RETREG1: variants seen among roughly 807,000 people sequenced by gnomAD.
The protein encoded by RETREG1 is family with sequence similarity 134 member B.
Under a neutral mutation model 54.8 loss-of-function variants are expected in RETREG1, and 44 were observed. That is an observed-to-expected ratio of 0.80 (90% confidence interval 0.63 to 1.03). The LOEUF is 1.03. Ranked by LOEUF, RETREG1 falls within the 50% of genes least tolerant of loss-of-function variation. The pLI, the probability that RETREG1 is intolerant of heterozygous loss-of-function variation, is 0.00. For missense variants in RETREG1, 554 were observed against 605.1 expected, an observed-to-expected ratio of 0.92 and a Z score of 0.89; for synonymous variants, 217 against 238.5, an observed-to-expected ratio of 0.91 and a Z score of 0.83.
intron 3 of RETREG1, among the ~76,000 whole-genome samples, chr5:16,545,947 G>A (rs1741374539): frequency 1.3e-5 from 2 of 152,208 alleles, no homozygotes; most frequent in Non-Finnish European, 2.9e-5. Context: ...AAGGCATGCT[G>A]GATGGGAGGC....
intron 3 of RETREG1, among the ~76,000 whole-genome samples, chr5:16,520,405 C>T (rs1740496292): frequency 6.6e-6 from 1 of 152,164 alleles, no homozygotes; most frequent in South Asian, 2.1e-4. Context: ...TCTCGGCTCA[C>T]TGCAACCTCC....
intron 3 of RETREG1, among the ~76,000 whole-genome samples, chr5:16,529,845 C>G (rs1434368939): frequency 6.6e-6 from 1 of 152,160 alleles, no homozygotes; most frequent in Non-Finnish European, 1.5e-5. Flanking sequence ...CAGGCTTTCC[C>G]ATTTGGGTTC....
chr5:16,501,611 C>T lies in RETREG1; in HGVS notation c.459-18139G>A, dbSNP rs184460469. On this transcript the variant is annotated intron_variant, in intron 3 of 8. Coordinates refer to ENST00000306320, the MANE Select transcript of RETREG1 (RefSeq NM_001034850.3). ...AGGCTGGAGTGCAGTGGTATGATCT[C>T]GGCTCACTGCAACCTCCGCCTCCCA... Among the ~76,000 whole-genome samples, 133 of 152,158 alleles carry T rather than the reference C, an allele frequency of 8.7e-4. 1 individual carries two copies. The highest frequency in any genetic ancestry group is 2.9e-3 in the African/African-American group (120 of 41,508).
chr5:16,555,521 T>C (rs558745363), intron 3 of RETREG1, among the ~76,000 whole-genome samples: 2 of 152,274 alleles, frequency 1.3e-5, no homozygotes, highest in African/African-American at 2.4e-5. Flanking sequence ...TCAATAAATT[T>C]CTGTTGAAAG....
At chr5:16,614,024 C>A (rs950090316) in intron 1 of RETREG1, among the ~76,000 whole-genome samples, 2 of 151,926 alleles carry the variant, frequency 1.3e-5, no homozygotes, top group African/African-American at 4.8e-5. Context: ...TCATTTTTGT[C>A]AAAGAAAATA....
In RETREG1 at chr5:16,474,816, T is replaced by C. The variant is rs969902350; in HGVS notation, c.1419A>G (p.Thr473=). The C allele has an allele frequency of 6.2e-7, 1 of 1,613,926 alleles. No homozygotes were observed. Among genetic ancestry groups the C allele is most frequent in the Non-Finnish European group, 8.5e-7 (1 of 1,179,924 alleles). The change falls in exon 9 of 9, where the codon ACA becomes ACG. Residue 473 remains threonine, a synonymous_variant. Transcript: ENST00000306320. ...LDQIESELGL[T]QDQEAEAQQN... The stretch of plus-strand genomic sequence containing the variant: ...GCTGTGCTTCTGCTTCCTGGTCTTG[T>C]GTAAGTCCCAATTCACTCTCAATTT...
chr5:16,588,064 C>T (rs1347824736), intron 1 of RETREG1, among the ~76,000 whole-genome samples: 2 of 152,206 alleles, frequency 1.3e-5, no homozygotes, highest in Non-Finnish European at 2.9e-5. Context: ...GAGGCCAGAG[C>T]GATCACTTCC....
chr5:16,503,613 A>G (rs1739811609), intron 3 of RETREG1, among the ~76,000 whole-genome samples: 1 of 149,504 alleles, frequency 6.7e-6, no homozygotes, highest in Non-Finnish European at 1.5e-5. Flanking sequence ...GTTTGCAGTG[A>G]GTCAAGATCA....
At chr5:16,486,120 G>A (rs187366117) in intron 3 of RETREG1, among the ~76,000 whole-genome samples, 48 of 152,120 alleles carry the variant, frequency 3.2e-4, no homozygotes, top group South Asian at 6.2e-4. Flanking sequence ...TATTTGAATT[G>A]TTATAATCAC....
chr5:16,568,005 T>A (rs1742065345), intron 2 of RETREG1, among the ~76,000 whole-genome samples: 1 of 152,038 alleles, frequency 6.6e-6, no homozygotes, highest in Non-Finnish European at 1.5e-5. Context: ...GGGGGGCAGA[T>A]ATGACTGGTT....
intron 3 of RETREG1, among the ~76,000 whole-genome samples, chr5:16,550,122 G>A (rs888528675): frequency 3.9e-5 from 6 of 152,108 alleles, no homozygotes; most frequent in African/African-American, 1.2e-4. Context: ...TAAACAGCAC[G>A]TGAGTAATAA....
At chr5:16,551,107 TAAC>T (rs1300101352) in intron 3 of RETREG1, among the ~76,000 whole-genome samples, 1 of 147,662 alleles carries the variant, frequency 6.8e-6, no homozygotes, top group Non-Finnish European at 1.5e-5. Flanking sequence ...TTTTTAAAAA[TAAC>T]AACAAAAGCC....
At chr5:16,497,345 C>T (rs929450767) in intron 3 of RETREG1, among the ~76,000 whole-genome samples, 16 of 152,284 alleles carry the variant, frequency 1.1e-4, no homozygotes, top group African/African-American at 3.9e-4. Flanking sequence ...GAAAAATTGT[C>T]CTTTGGCTAA....
chr5:16,530,539 C>T (rs537809895), intron 3 of RETREG1, among the ~76,000 whole-genome samples: 4 of 152,294 alleles, frequency 2.6e-5, no homozygotes, highest in Admixed American at 2.6e-4. Flanking sequence ...GAGACCAGTG[C>T]TTGGCATGCT....
chr5:16,585,310 C>A lies in RETREG1; in HGVS notation c.321-13208G>T, dbSNP rs1742598779. The stretch of plus-strand genomic sequence containing the variant: ...TTGTATTCTGTTTGCGTTCTTGTGC[C>A]TAAAGAGTAGGAGAAACCAAGGGCA... On this transcript the variant is annotated intron_variant, in intron 1 of 8. Coordinates refer to ENST00000306320, the MANE Select transcript of RETREG1 (RefSeq NM_001034850.3). The surrounding 1 kb of genome is among the most constrained non-coding windows in gnomAD (Gnocchi z 4.5). 6.6e-6 allele frequency among the ~76,000 whole-genome samples: 1 copy of A among 152,068 alleles called. No homozygotes were observed. Among genetic ancestry groups the A allele is most frequent in the Non-Finnish European group, 1.5e-5 (1 of 68,034 alleles).
At chr5:16,590,887 GCA>G (rs975183688) in intron 1 of RETREG1, among the ~76,000 whole-genome samples, 12 of 139,256 alleles carry the variant, frequency 8.6e-5, no homozygotes, top group South Asian at 2.3e-4. Context: ...ACACACACAC[GCA>G]CACACACATG....
intron 3 of RETREG1, among the ~76,000 whole-genome samples, chr5:16,555,940 T>C (rs1448195710): frequency 6.6e-6 from 1 of 152,208 alleles, no homozygotes; most frequent in African/African-American, 2.4e-5. Flanking sequence ...AAGCATGCTA[T>C]TAGGTAACAA....
chr5:16,476,097 G>C (rs1203250408), intron 8 of RETREG1, among the ~76,000 whole-genome samples: 4 of 152,118 alleles, frequency 2.6e-5, no homozygotes, highest in African/African-American at 4.8e-5. Context: ...AGCTTGTAGA[G>C]CTTGAATGAC....
chr5:16,548,487 G>A (rs528794983), intron 3 of RETREG1, among the ~76,000 whole-genome samples: 78 of 152,236 alleles, frequency 5.1e-4, no homozygotes, highest in African/African-American at 1.7e-3. Context: ...TTGATCCACA[G>A]AAACATAAGC....
Sources: gnomAD v4.1 joint callset for allele counts (sites outside exome capture counted in the v4.1 genomes callset) on GRCh38, gnomAD v4.1.1 for gene constraint, Gnocchi (gnomAD v3.1) non-coding constraint, MANE v1.5 for transcripts, NCBI Gene and HGNC (gene_info 2026-07-23, HGNC 2026-07-21) for gene names.